The following NAV3 variants were observed in gnomAD, a reference collection of about 807,000 sequenced individuals.
NAV3 encodes neuron navigator 3.
A neutral mutation model predicts 244.7 loss-of-function variants in NAV3; 87 were observed. That is an observed-to-expected ratio of 0.36 (90% CI 0.30 to 0.42). The LOEUF (loss-of-function observed/expected upper bound fraction) is 0.42, where lower values mean the gene tolerates loss of function less well. Ranked by LOEUF, NAV3 falls within the 20% of genes least tolerant of loss-of-function variation. The pLI is 1.00. For synonymous variants in NAV3, 1,126 were observed against 1,042.2 expected (o/e 1.08, Z -1.55); for missense variants, 2,663 against 2,893.3 (o/e 0.92, Z 1.83).
intron 2 of NAV3, among the ~76,000 whole-genome samples, chr12:77,596,223 C>T (rs554507087): frequency 6.6e-6 from 1 of 152,274 alleles, no homozygotes; most frequent in Non-Finnish European, 1.5e-5. Context: ...ATAACAATTA[C>T]ACCAGTTGCT....
At chr12:78,002,940 G>A in intron 7 of NAV3, among the ~76,000 whole-genome samples, 1 of 151,666 alleles carries the variant, frequency 6.6e-6, no homozygotes. Flanking sequence ...ATATTGAGGT[G>A]TCCACAAAGT....
At position 77,766,735 on chromosome 12, in the gene NAV3, G is replaced by GTTTGTTTTTT. The variant is rs1555202961; in HGVS notation, c.73-173581_73-173580insGTTTTTTTTT. Among the ~76,000 whole-genome samples, 299 of 60,506 alleles carry GTTTGTTTTTT rather than the reference G, an allele frequency of 4.9e-3. 74 individuals carry two copies. The highest frequency in any genetic ancestry group is 8.4e-3 in the East Asian group (17 of 2,012). The allele number at this position is 60,506 out of a possible 152,430, so 39.7% of individuals were successfully genotyped here. On this transcript the variant is annotated intron_variant, in intron 2 of 8. Coordinates refer to the NAV3 transcript ENST00000550042. ...AGGATTCTAAAAAACAGGCAATTAA[G>GTTTGTTTTTT]TTTTTTTTTTTTTTTTTTTTTTTTT... is the stretch of plus-strand genomic sequence containing the variant.
chr12:78,059,249 T>C (rs1452519030), intron 12 of NAV3, 134 bp downstream of exon 12: 1 of 842,210 alleles, frequency 1.2e-6, no homozygotes, highest in Non-Finnish European at 1.7e-6. Context: ...TTTATTTTGA[T>C]AAATAATTAT....
chr12:78,157,412 G>T (rs1354077838), intron 22 of NAV3, among the ~76,000 whole-genome samples: 1 of 140,474 alleles, frequency 7.1e-6, no homozygotes, highest in Non-Finnish European at 1.6e-5. Flanking sequence ...AAAAAAAAAA[G>T]TAGCTGGGCA....
chr12:77,965,203 T>G lies in NAV3; in HGVS notation c.415-1026T>G, dbSNP rs367590031. ...AGAATTGGAACTTTTTAGCTTTCTATGCTCTTACGAATCTTAGCTGTGTCA... is the reference window on the plus strand; with the variant it reads ...AGAATTGGAACTTTTTAGCTTTCTAGGCTCTTACGAATCTTAGCTGTGTCA... On this transcript the variant is annotated intron_variant, in intron 3 of 39. Coordinates refer to ENST00000397909, the MANE Select transcript of NAV3 (RefSeq NM_001024383.2). Among the ~76,000 whole-genome samples, 5 of 152,254 alleles carry G rather than the reference T, an allele frequency of 3.3e-5. No individual in the cohort carries two copies. In the South Asian group the frequency reaches 8.3e-4, roughly 25 times the overall value.
chr12:77,918,805 G>A (rs965743754), intron 1 of NAV3, among the ~76,000 whole-genome samples: 2 of 152,028 alleles, frequency 1.3e-5, no homozygotes, highest in Non-Finnish European at 2.9e-5. Flanking sequence ...CAAAGCCATC[G>A]TACAAGTGAT....
chr12:77,760,994 C>T (rs2048564369), intron 2 of NAV3, among the ~76,000 whole-genome samples: 1 of 152,218 alleles, frequency 6.6e-6, no homozygotes, highest in African/African-American at 2.4e-5. Flanking sequence ...TCCACTGTCT[C>T]TCACTGAAAG....
upstream of NAV3, among the ~76,000 whole-genome samples, chr12:77,829,279 C>A (rs1416581007): frequency 2.6e-5 from 4 of 152,226 alleles, no homozygotes; most frequent in Non-Finnish European, 2.9e-5. Context: ...GTGTTGCCAG[C>A]ATTTATACCC....
chr12:77,579,299 T>C (rs1449840235), intron 2 of NAV3, among the ~76,000 whole-genome samples: 1 of 152,310 alleles, frequency 6.6e-6, no homozygotes, highest in Admixed American at 6.5e-5. Flanking sequence ...GTTGAGCTTA[T>C]CACAAATGAG....
chr12:77,851,796 T>C (rs1877569751), intron 1 of NAV3, among the ~76,000 whole-genome samples: 2 of 152,222 alleles, frequency 1.3e-5, no homozygotes, highest in Admixed American at 6.5e-5. Context: ...CCAGCTTCAG[T>C]GTCTATATTA....
At chr12:78,058,473 C>T (rs1487045122) in intron 11 of NAV3, among the ~76,000 whole-genome samples, 3 of 152,118 alleles carry the variant, frequency 2.0e-5, no homozygotes, top group East Asian at 1.9e-4. Context: ...GGGATTATTA[C>T]AATTCAGGGT....
At chr12:78,150,631 T>TCACA (rs34534100) in intron 22 of NAV3, among the ~76,000 whole-genome samples, 11,556 of 144,032 alleles carry the variant, frequency 0.08, 559 homozygotes, top group Middle Eastern at 0.13. Context: ...AAAAGCTTCC[T>TCACA]CACACACACA....
At chr12:77,863,868 T>G (rs567896376) in intron 1 of NAV3, among the ~76,000 whole-genome samples, 1 of 152,090 alleles carries the variant, frequency 6.6e-6, no homozygotes, top group East Asian at 1.9e-4. Flanking sequence ...ATTATTTTCA[T>G]TCTTTGTTTT....
chr12:77,694,150 T>G (rs1875174657), intron 2 of NAV3, among the ~76,000 whole-genome samples: 1 of 151,932 alleles, frequency 6.6e-6, no homozygotes, highest in African/African-American at 2.4e-5. Context: ...GGCCAATAAT[T>G]TCTATCCTAG....
At chr12:77,990,679 C>A (rs1006707849) in intron 5 of NAV3, among the ~76,000 whole-genome samples, 4 of 152,088 alleles carry the variant, frequency 2.6e-5, no homozygotes, top group African/African-American at 9.7e-5. Context: ...CATTTAACAT[C>A]CTTGTGTTAA....
At chr12:77,622,635 G>C (rs1871430452) in intron 2 of NAV3, among the ~76,000 whole-genome samples, 1 of 143,924 alleles carries the variant, frequency 6.9e-6, no homozygotes, top group African/African-American at 2.6e-5. Context: ...AGTTGTACTT[G>C]CTCCAAAATA....
chr12:77,679,191 TATACCTTTGAATATG>T (rs1874338696), intron 2 of NAV3, among the ~76,000 whole-genome samples: 2 of 152,148 alleles, frequency 1.3e-5, no homozygotes, highest in Non-Finnish European at 2.9e-5. Flanking sequence ...TAAGTTGCAA[TATACCTTTGAATATG>T]ATACCTTTGA....
intron 3 of NAV3, among the ~76,000 whole-genome samples, chr12:77,962,846 G>A (rs957635181): frequency 1.6e-4 from 25 of 152,212 alleles, no homozygotes; most frequent in Middle Eastern, 3.4e-3. Context: ...GTATTATTCC[G>A]TGAAACTTTG....
intron 2 of NAV3, among the ~76,000 whole-genome samples, chr12:77,580,254 A>ACG (rs1394866439): frequency 2.0e-5 from 3 of 151,248 alleles, no homozygotes; most frequent in African/African-American, 7.3e-5. Context: ...ACACACACAC[A>ACG]CACACACAAA....
Sources: gnomAD v4.1 joint callset for allele counts (sites outside exome capture counted in the v4.1 genomes callset) on GRCh38, gnomAD v4.1.1 for gene constraint, MANE v1.5 for transcripts, NCBI Gene and HGNC (gene_info 2026-07-23, HGNC 2026-07-21) for gene names.